Variants in BICRAL observed in about 807,000 individuals in gnomAD.
BICRAL encodes the protein BICRA like chromatin remodeling complex associated protein.
BICRAL carries 8 observed loss-of-function variants against 91.8 expected under a neutral mutation model. That is an observed-to-expected ratio of 0.09 (90% CI 0.05 to 0.16). BICRAL has a LOEUF of 0.16. Ranked by LOEUF, BICRAL falls within the 10% of genes least tolerant of loss-of-function variation. BICRAL has a pLI of 1.00. For missense variants in BICRAL, 1,038 were observed against 1,310.9 expected (o/e 0.79, Z 3.21); for synonymous variants, 445 against 491.1 (o/e 0.91, Z 1.24).
At chr6:42,798,553 A>G (rs1201566446) in intron 1 of BICRAL, among the ~76,000 whole-genome samples, 1 of 152,088 alleles carries the variant, frequency 6.6e-6, no homozygotes, top group Non-Finnish European at 1.5e-5. Context: ...AAAATTAGCC[A>G]GGCGTGGTGG....
chr6:42,779,208 T>C (rs1762847039), upstream of BICRAL, among the ~76,000 whole-genome samples: 1 of 133,150 alleles, frequency 7.5e-6, no homozygotes, highest in Non-Finnish European at 1.6e-5. Flanking sequence ...CAGAGGGAGA[T>C]CCTGTCTCAA....
chr6:42,791,790 CAT>C (rs779575893), intron 1 of BICRAL, among the ~76,000 whole-genome samples: 18 of 152,240 alleles, frequency 1.2e-4, no homozygotes, highest in South Asian at 4.1e-4. Context: ...TAAATACAGT[CAT>C]GTGTCATTTA....
chr6:42,782,162 A>C (rs1453459350), intron 1 of BICRAL, 61 bp downstream of exon 1: 1 of 150,482 alleles, frequency 6.6e-6, no homozygotes, highest in Non-Finnish European at 1.5e-5. Context: ...GAAAAAAAAA[A>C]CACACAACCT....
intron 1 of BICRAL, among the ~76,000 whole-genome samples, chr6:42,795,432 CAAAT>C (rs1187219728): frequency 6.6e-6 from 1 of 152,118 alleles, no homozygotes; most frequent in Non-Finnish European, 1.5e-5. Context: ...GACTCTGTCT[CAAAT>C]AAATAAATAA....
At chr6:42,770,424 T>A (rs901001108) in intron 1 of BICRAL, among the ~76,000 whole-genome samples, 12 of 148,150 alleles carry the variant, frequency 8.1e-5, no homozygotes, top group South Asian at 2.1e-4. Context: ...TTTTTTTTTT[T>A]TTTTTTTGAG....
rs1764407066 is a variant in BICRAL, at chr6:42,829,439, CAAG to C, written c.1109_1111del (p.Arg370del). On this transcript the variant is annotated inframe_deletion, in exon 6 of 13. Coordinates refer to ENST00000314073, the MANE Select transcript of BICRAL (RefSeq NM_001393499.1). Reference sequence around the variant, plus strand: ...GTGAACATTGTAAACCAACAGAACACAAGAAAGCCAGTCACCTCACAGGCAGTG... The same window carrying C: ...GTGAACATTGTAAACCAACAGAACACAAAGCCAGTCACCTCACAGGCAGTG... 6.2e-7 allele frequency: 1 copy of C among 1,614,216 alleles called. No homozygotes were observed. The highest frequency in any genetic ancestry group is 2.2e-5 in the East Asian group (1 of 44,882).
chr6:42,823,688 C>A (rs990429630), intron 5 of BICRAL, among the ~76,000 whole-genome samples: 1 of 152,018 alleles, frequency 6.6e-6, no homozygotes, highest in African/African-American at 2.4e-5. Flanking sequence ...CTTTGGGAGG[C>A]CGAGGCAGGT....
chr6:42,822,418 T>G (rs1488958447), intron 3 of BICRAL, among the ~76,000 whole-genome samples: 2 of 148,236 alleles, frequency 1.3e-5, no homozygotes, highest in South Asian at 2.1e-4. Flanking sequence ...TTTTTTGTGT[T>G]TTTTTTTTTT....
intron 6 of BICRAL, among the ~76,000 whole-genome samples, chr6:42,842,382 A>G (rs1458684151): frequency 6.6e-6 from 1 of 152,212 alleles, no homozygotes; most frequent in African/African-American, 2.4e-5. Context: ...AGATTTCCAC[A>G]TTAATCCTCC....
intron 1 of BICRAL, among the ~76,000 whole-genome samples, chr6:42,801,402 G>T (rs986346843): frequency 1.3e-5 from 2 of 152,202 alleles, no homozygotes; most frequent in Middle Eastern, 6.8e-3. Context: ...AAGCAGTTTT[G>T]ACTTTAATAG....
intron 6 of BICRAL, among the ~76,000 whole-genome samples, chr6:42,848,519 C>T (rs1765088199): frequency 6.6e-6 from 1 of 152,178 alleles, no homozygotes; most frequent in South Asian, 2.1e-4. Context: ...AGAACACATT[C>T]AGGAAATGTA....
upstream of BICRAL, among the ~76,000 whole-genome samples, chr6:42,779,449 A>G (rs111860551): frequency 9.1e-3 from 1,391 of 152,228 alleles, 20 homozygotes; most frequent in African/African-American, 0.032. Context: ...CCAATTAGAA[A>G]ACTGGTTGGT....
chr6:42,758,210 C>T (rs1001838659), intron 1 of BICRAL, among the ~76,000 whole-genome samples: 1 of 152,152 alleles, frequency 6.6e-6, no homozygotes, highest in Non-Finnish European at 1.5e-5. Context: ...GGTCTCGTTA[C>T]CCTTGGGCTT....
intron 1 of BICRAL, among the ~76,000 whole-genome samples, chr6:42,787,456 T>G (rs994618787): frequency 9.2e-5 from 14 of 152,012 alleles, no homozygotes; most frequent in African/African-American, 2.9e-4. Flanking sequence ...CTGATTGAGA[T>G]TGTTTGTGGC....
intron 2 of BICRAL, among the ~76,000 whole-genome samples, chr6:42,811,007 C>T (rs1202510178): frequency 6.6e-6 from 1 of 152,182 alleles, no homozygotes; most frequent in Non-Finnish European, 1.5e-5. Context: ...TGCCGATGAA[C>T]TCATATAACC....
At chr6:42,835,569 A>G (rs1764614123) in intron 6 of BICRAL, among the ~76,000 whole-genome samples, 1 of 152,068 alleles carries the variant, frequency 6.6e-6, no homozygotes, top group Non-Finnish European at 1.5e-5. Context: ...AAAAACTATT[A>G]ATTAGACTTT....
At chr6:42,834,074 G>A (rs948806627) in intron 6 of BICRAL, among the ~76,000 whole-genome samples, 4 of 152,024 alleles carry the variant, frequency 2.6e-5, no homozygotes, top group African/African-American at 9.6e-5. Flanking sequence ...GGCTGGTCTC[G>A]AACTCCCGAC....
At chr6:42,773,133 C>A (rs1762759744) in intron 1 of BICRAL, among the ~76,000 whole-genome samples, 1 of 150,926 alleles carries the variant, frequency 6.6e-6, no homozygotes, top group Non-Finnish European at 1.5e-5. Flanking sequence ...GGCTGGAGTG[C>A]AATGGCACGA....
chr6:42,839,721 A>G (rs1268622580), intron 6 of BICRAL, among the ~76,000 whole-genome samples: 1 of 152,156 alleles, frequency 6.6e-6, no homozygotes, highest in Non-Finnish European at 1.5e-5. Context: ...TATTTAATAT[A>G]TTGTAATTTA....
Sources: allele counts gnomAD v4.1 joint callset (sites outside exome capture counted in the v4.1 genomes callset), GRCh38; gene constraint gnomAD v4.1.1; transcripts MANE v1.5; gene names NCBI Gene and HGNC (gene_info 2026-07-23, HGNC 2026-07-21).